Variants in TRPS1 observed in about 807,000 individuals in gnomAD.
TRPS1 encodes the protein transcriptional repressor GATA binding 1.
In TRPS1, 6 loss-of-function variants were observed where a neutral mutation model predicts 101.2. That is an observed-to-expected ratio of 0.06 (90% CI 0.03 to 0.12). The LOEUF is 0.12. TRPS1 is among the 10% of genes least tolerant of loss of function. The pLI, the probability that TRPS1 is intolerant of heterozygous loss-of-function variation, is 1.00. For synonymous variants in TRPS1, 578 were observed against 589.8 expected, an observed-to-expected ratio of 0.98 and a Z score of 0.29; for missense variants, 1,363 against 1,567.0, an observed-to-expected ratio of 0.87 and a Z score of 2.20.
At chr8:115,497,845 GT>G (rs1815187354) in intron 5 of TRPS1, among the ~76,000 whole-genome samples, 1 of 152,264 alleles carries the variant, frequency 6.6e-6, no homozygotes, top group African/African-American at 2.4e-5. Context: ...TACCAATCAG[GT>G]GCATTCTTGT....
intron 4 of TRPS1, among the ~76,000 whole-genome samples, chr8:115,602,479 C>A (rs1341255070): frequency 3.3e-5 from 5 of 152,198 alleles, no homozygotes; most frequent in African/African-American, 1.2e-4. Context: ...AGGACTGTGT[C>A]TTTCCCAGGG....
intron 4 of TRPS1, among the ~76,000 whole-genome samples, chr8:115,598,075 C>CT (rs1817827462): frequency 1.3e-5 from 2 of 152,272 alleles, no homozygotes; most frequent in African/African-American, 4.8e-5. Flanking sequence ...GTCTACATGT[C>CT]TAACACTTCC....
intron 5 of TRPS1, among the ~76,000 whole-genome samples, chr8:115,552,547 ATATAT>A (rs1816728482): frequency 6.6e-6 from 1 of 152,156 alleles, no homozygotes. Flanking sequence ...TTCAACAGAA[ATATAT>A]TATACAGCAA....
chr8:115,515,283 C>T, intron 5 of TRPS1: 1 of 697,468 alleles, frequency 1.4e-6, no homozygotes, highest in Non-Finnish European at 2.6e-6. Flanking sequence ...GATTCAAAAA[C>T]CTAATGCAGT....
At chr8:115,651,172 G>C (rs1261829181) in intron 1 of TRPS1, among the ~76,000 whole-genome samples, 1 of 152,116 alleles carries the variant, frequency 6.6e-6, no homozygotes, top group Non-Finnish European at 1.5e-5. Flanking sequence ...TATAATATCA[G>C]TAAAGTACAA....
chr8:115,418,065 C>T lies in TRPS1; in HGVS notation c.2823+265G>A, dbSNP rs1334421946. ...TGAATTCTGATAACCATTAGTTCAA[C>T]TATCTGCTGTGAAGTTCCCAGAAAT... On this transcript the variant is annotated intron_variant, in intron 6 of 6. Transcript: ENST00000395715. The surrounding 1 kb of genome is among the most constrained non-coding windows in gnomAD (Gnocchi z 4.3). 6.6e-6 allele frequency among the ~76,000 whole-genome samples: 1 copy of T among 152,162 alleles called. No individual in the cohort carries two copies. Among genetic ancestry groups the T allele is most frequent in the African/African-American group, 2.4e-5 (1 of 41,442 alleles).
At chr8:115,488,149 C>T (rs998323692) in intron 5 of TRPS1, among the ~76,000 whole-genome samples, 3 of 152,144 alleles carry the variant, frequency 2.0e-5, no homozygotes, top group African/African-American at 7.2e-5. Flanking sequence ...GACTATGACT[C>T]CTTAGAGGCT....
chr8:115,587,157 G>A lies in TRPS1; in HGVS notation c.2544C>T (p.Ala848=), dbSNP rs747832442. 2.5e-6 allele frequency: 4 copies of A among 1,614,164 alleles called. No individual in the cohort carries two copies. The highest frequency in any genetic ancestry group is 2.5e-6 in the Non-Finnish European group (3 of 1,180,012). ...KTLRDSPNVE[A]AHLARPIYGL... Reference sequence around the variant, plus strand: ...CATAAATAGGTCGCGCCAGATGGGCGGCCTCCACATTGGGACTATCCCTTA... The same window carrying A: ...CATAAATAGGTCGCGCCAGATGGGCAGCCTCCACATTGGGACTATCCCTTA... The change falls in exon 5 of 7, where the codon GCC becomes GCT. Residue 848 remains alanine (A), a synonymous_variant. Transcript: ENST00000395715.
At chr8:115,543,553 C>A (rs1367695605) in intron 5 of TRPS1, among the ~76,000 whole-genome samples, 1 of 151,814 alleles carries the variant, frequency 6.6e-6, no homozygotes, top group Non-Finnish European at 1.5e-5. Context: ...TATCTATATA[C>A]CAAGATAAAA....
At chr8:115,429,164 G>GA (rs1441580967) in intron 5 of TRPS1, among the ~76,000 whole-genome samples, 1 of 152,076 alleles carries the variant, frequency 6.6e-6, no homozygotes, top group African/African-American at 2.4e-5. Context: ...AATTACACAG[G>GA]AAAGTCCTAT....
At chr8:115,452,765 T>A (rs892286604) in intron 5 of TRPS1, among the ~76,000 whole-genome samples, 2 of 152,156 alleles carry the variant, frequency 1.3e-5, no homozygotes, top group Admixed American at 1.3e-4. Context: ...ATTAGTGGTG[T>A]TTCCTCGAGC....
chr8:115,506,246 T>C (rs1387814287), intron 5 of TRPS1, among the ~76,000 whole-genome samples: 1 of 151,708 alleles, frequency 6.6e-6, no homozygotes, highest in African/African-American at 2.4e-5. Context: ...TAAAAAAACA[T>C]GCAGGAAAAA....
chr8:115,512,344 C>T (rs116206934), intron 5 of TRPS1, among the ~76,000 whole-genome samples: 2,044 of 151,606 alleles, frequency 0.013, 41 homozygotes, highest in African/African-American at 0.047. Flanking sequence ...AGAAAATTTG[C>T]GGACTATAAA....
chr8:115,529,339 C>T (rs549945258), intron 5 of TRPS1, among the ~76,000 whole-genome samples: 9 of 151,976 alleles, frequency 5.9e-5, no homozygotes, highest in African/African-American at 2.2e-4. Flanking sequence ...TTTGAAGAAG[C>T]CGATCTGAGT....
intron 5 of TRPS1, among the ~76,000 whole-genome samples, chr8:115,573,507 A>G (rs778574579): frequency 2.6e-5 from 4 of 152,112 alleles, no homozygotes; most frequent in Non-Finnish European, 5.9e-5. Context: ...ACTTCCCAAC[A>G]TCATTATCCT....
chr8:115,483,891 T>C (rs1037339364), intron 5 of TRPS1, among the ~76,000 whole-genome samples: 2 of 152,244 alleles, frequency 1.3e-5, no homozygotes, highest in East Asian at 1.9e-4. Flanking sequence ...ATATAAAAGA[T>C]ACAAACTGGA....
rs1814004398 is a variant in TRPS1 at position 115,455,779 on chromosome 8, T to TTTC, written c.2701-37328_2701-37327insGAA. 9.8e-5 allele frequency among the ~76,000 whole-genome samples: 8 copies of TTTC among 82,012 alleles called. No individual in the cohort carries two copies. The South Asian group carries it at 2.7e-3, about 27-fold the overall frequency. The allele number at this position is 82,012 out of a possible 152,430, so 53.8% of individuals were successfully genotyped here. A position where few individuals can be genotyped will look rare whatever the true frequency, so the allele number is the denominator to read the frequency against. On this transcript the variant is annotated intron_variant, in intron 5 of 6. Transcript: ENST00000395715. Reference sequence around the variant, plus strand: ...TTTTTCTTTCTTTCTTTCTTTCTTTTTTTTTTTTTTTTTGAGACAGAGTCT... The same window carrying TTTC: ...TTTTTCTTTCTTTCTTTCTTTCTTTTTTCTTTTTTTTTTTTTGAGACAGAGTCT...
At chr8:115,526,107 G>A (rs1003310441) in intron 5 of TRPS1, among the ~76,000 whole-genome samples, 3 of 152,166 alleles carry the variant, frequency 2.0e-5, no homozygotes, top group Admixed American at 6.5e-5. Context: ...TCTGGGTCTC[G>A]AGAGCAGCCT....
chr8:115,554,293 T>C (rs1464396426), intron 5 of TRPS1, among the ~76,000 whole-genome samples: 25 of 151,952 alleles, frequency 1.6e-4, no homozygotes, highest in Admixed American at 1.6e-3. Context: ...AACCTAAGAG[T>C]AGAGTCCCAC....
Sources: allele counts gnomAD v4.1 joint callset (sites outside exome capture counted in the v4.1 genomes callset), GRCh38; gene constraint gnomAD v4.1.1; non-coding constraint Gnocchi (gnomAD v3.1); transcripts MANE v1.5; gene names NCBI Gene and HGNC (gene_info 2026-07-23, HGNC 2026-07-21).